Variants in DMXL2 observed in about 807,000 individuals in gnomAD.
The protein encoded by DMXL2 is dmX-like protein 2.
DMXL2 carries 103 observed loss-of-function variants against 331.1 expected under a neutral mutation model. The ratio of observed to expected loss-of-function variants is 0.31; its 90% CI spans 0.27 to 0.37. The LOEUF (loss-of-function observed/expected upper bound fraction) is 0.37, where lower values mean the gene tolerates loss of function less well. Ranked by LOEUF, DMXL2 falls within the 10% of genes least tolerant of loss-of-function variation. The pLI, the probability that DMXL2 is intolerant of heterozygous loss-of-function variation, is 1.00. For synonymous variants in DMXL2, 1,281 were observed against 1,252.1 expected (o/e 1.02, Z -0.49); for missense variants, 3,171 against 3,642.9 (o/e 0.87, Z 3.33).
At chr15:51,556,733 C>T (rs2049616266) in intron 6 of DMXL2, among the ~76,000 whole-genome samples, 1 of 151,902 alleles carries the variant, frequency 6.6e-6, no homozygotes, top group Non-Finnish European at 1.5e-5. Flanking sequence ...GATTGTGCCA[C>T]TGGACTCCAG....
chr15:51,492,970 C>T (rs1160538590), intron 19 of DMXL2, among the ~76,000 whole-genome samples: 14 of 152,068 alleles, frequency 9.2e-5, no homozygotes, highest in African/African-American at 3.4e-4. Context: ...AAAATAAAAA[C>T]TATTATGATT....
chr15:51,525,009 G>A (rs957692879), intron 13 of DMXL2, among the ~76,000 whole-genome samples: 2 of 151,648 alleles, frequency 1.3e-5, no homozygotes, highest in African/African-American at 4.8e-5. Context: ...TTGAAGAGAG[G>A]CGACAGAAGA....
chr15:51,595,531 G>A (rs1041058498), intron 1 of DMXL2, among the ~76,000 whole-genome samples: 5 of 152,130 alleles, frequency 3.3e-5, no homozygotes, highest in Non-Finnish European at 7.3e-5. Flanking sequence ...CATCCATCAA[G>A]CTACCAATGA....
chr15:51,572,682 A>C (rs1355146393), intron 2 of DMXL2, among the ~76,000 whole-genome samples: 1 of 152,224 alleles, frequency 6.6e-6, no homozygotes, highest in African/African-American at 2.4e-5. Flanking sequence ...CGATGACAAA[A>C]ACCACATGAT....
chr15:51,480,344 A>G (rs1252928834), intron 24 of DMXL2, among the ~76,000 whole-genome samples, 198 bp downstream of exon 24: 2 of 152,230 alleles, frequency 1.3e-5, no homozygotes, highest in Non-Finnish European at 2.9e-5. Context: ...AATACTCTCA[A>G]GCTGTTAAGC....
intron 13 of DMXL2, among the ~76,000 whole-genome samples, chr15:51,533,577 T>A (rs2048124336): frequency 6.6e-6 from 1 of 152,218 alleles, no homozygotes; most frequent in Non-Finnish European, 1.5e-5. Context: ...GAGCTTAATG[T>A]CTACCTAGTA....
chr15:51,542,321 T>C lies in DMXL2; in HGVS notation c.1105+12A>G. 3 of 1,608,512 alleles carry C rather than the reference T, an allele frequency of 1.9e-6. No homozygotes were observed. The highest frequency in any genetic ancestry group is 1.7e-6 in the Non-Finnish European group (2 of 1,176,402). On this transcript the variant is annotated intron_variant, in intron 9 of 43. Transcript: ENST00000560891. ...TCAACATATTTATGGGAAATAAAACTTTATCCTTTACCTGTGGCAGGGTTG... is the reference window on the plus strand; with the variant it reads ...TCAACATATTTATGGGAAATAAAACCTTATCCTTTACCTGTGGCAGGGTTG...
At chr15:51,474,220 CAA>C in intron 28 of DMXL2, 122 bp downstream of exon 28, 3 of 859,512 alleles carry the variant, frequency 3.5e-6, no homozygotes, top group Non-Finnish European at 5.3e-6. Context: ...GCTGTCATAA[CAA>C]GAGTGATTAT....
At chr15:51,543,789 T>C (rs1260483624) in intron 8 of DMXL2, among the ~76,000 whole-genome samples, 1 of 152,114 alleles carries the variant, frequency 6.6e-6, no homozygotes, top group Non-Finnish European at 1.5e-5. Flanking sequence ...AGTAAAAACT[T>C]GTCAAATCAC....
At position 51,536,631 on chromosome 15, in the gene DMXL2, T is replaced by C. The variant is rs2048303484; in HGVS notation, c.1849A>G (p.Ile617Val). 1 of 1,613,956 alleles carries C rather than the reference T, an allele frequency of 6.2e-7. No homozygotes were observed. The highest frequency in any genetic ancestry group is 1.3e-5 in the African/African-American group (1 of 74,904). The stretch of plus-strand genomic sequence containing the variant: ...GCCCACTGATTTAAAGAACCATCTA[T>C]GTGTTTAGAGATCATCATTACTGTG... ...APTVMMISKHIDGSLNQWAVT... is the reference protein window; with the variant it reads ...APTVMMISKHVDGSLNQWAVT... Residue 617 changes from isoleucine to valine, a missense_variant, in exon 12 of 44, where the codon ATA (isoleucine) becomes GTA (valine). Physicochemically the swap from Ile to Val is conservative, Grantham distance 29. Transcript: ENST00000560891.
intron 15 of DMXL2, among the ~76,000 whole-genome samples, chr15:51,508,112 G>C (rs949623680): frequency 2.0e-5 from 3 of 152,090 alleles, no homozygotes; most frequent in African/African-American, 4.8e-5. Flanking sequence ...TCACTCATAA[G>C]TGGGAGTTGA....
intron 1 of DMXL2, among the ~76,000 whole-genome samples, chr15:51,578,978 G>A (rs777824653): frequency 6.6e-5 from 10 of 152,228 alleles, no homozygotes; most frequent in East Asian, 1.9e-4. Context: ...GGTGTCACAC[G>A]ACTGCAGTCC....
chr15:51,448,083 G>A lies in DMXL2; in HGVS notation c.*901C>T, dbSNP rs1489335713. On this transcript the variant is annotated 3_prime_UTR_variant, in exon 44 of 44. Coordinates refer to ENST00000560891, the MANE Select transcript of DMXL2 (RefSeq NM_001378457.1). ...CTCTGCATAGTTTATACAATAGGCT[G>A]TGGCAATAAATAATGTCACCAATCT... is the stretch of plus-strand genomic sequence containing the variant. 1 of 152,652 alleles carries A rather than the reference G, an allele frequency of 6.6e-6. No homozygotes were observed. The highest frequency in any genetic ancestry group is 2.4e-5 in the African/African-American group (1 of 41,448). The allele number at this position is 152,652 out of a possible 1,614,324, so 9.5% of individuals were successfully genotyped here. A position where few individuals can be genotyped will look rare whatever the true frequency, so the allele number is the denominator to read the frequency against.
rs771452295 is a variant in DMXL2, at chr15:51,581,400, G to A, written c.88-5219C>T. Among the ~76,000 whole-genome samples, 19 of 152,264 alleles carry A rather than the reference G, an allele frequency of 1.2e-4. No homozygotes were observed. In the Middle Eastern group the frequency reaches 0.01, roughly 82 times the overall value. ...AGGTTGGAGACCGCTGCTCTAGAGG[G>A]TTTAATGTCCTAATGAACAATGCAA... On this transcript the variant is annotated intron_variant, in intron 1 of 43. Coordinates refer to ENST00000560891, the MANE Select transcript of DMXL2 (RefSeq NM_001378457.1).
chr15:51,486,854 C>T (rs1417181026), intron 22 of DMXL2, among the ~76,000 whole-genome samples: 1 of 152,094 alleles, frequency 6.6e-6, no homozygotes, highest in Non-Finnish European at 1.5e-5. Context: ...TCTCAGTCAA[C>T]ACTTCTCTTT....
At chr15:51,591,486 G>A (rs1336879243) in intron 1 of DMXL2, among the ~76,000 whole-genome samples, 2 of 152,180 alleles carry the variant, frequency 1.3e-5, no homozygotes, top group Admixed American at 6.5e-5. Context: ...GCCTGCCTCT[G>A]TAGACTCCAC....
chr15:51,557,718 C>T (rs899297172), intron 6 of DMXL2, among the ~76,000 whole-genome samples: 2 of 152,120 alleles, frequency 1.3e-5, no homozygotes, highest in African/African-American at 4.8e-5. Flanking sequence ...AACAGACCTA[C>T]AGAAATATGG....
chr15:51,608,091 A>G (rs910770127), intron 1 of DMXL2, among the ~76,000 whole-genome samples: 3 of 152,112 alleles, frequency 2.0e-5, no homozygotes, highest in African/African-American at 4.8e-5. Context: ...AGGCTGAGGC[A>G]GGAGAACCAC....
intron 17 of DMXL2, among the ~76,000 whole-genome samples, chr15:51,500,514 A>G: frequency 6.6e-6 from 1 of 152,242 alleles, no homozygotes; most frequent in Non-Finnish European, 1.5e-5. Context: ...TAATTAAAAT[A>G]AAACTCAAAA....
Sources: allele counts gnomAD v4.1 joint callset (sites outside exome capture counted in the v4.1 genomes callset), GRCh38; gene constraint gnomAD v4.1.1; transcripts MANE v1.5; gene names NCBI Gene and HGNC (gene_info 2026-07-23, HGNC 2026-07-21).